The following ATRNL1 variants were observed in gnomAD, a reference collection of about 807,000 sequenced individuals.
ATRNL1 encodes the protein attractin-like protein 1.
A neutral mutation model predicts 182.7 loss-of-function variants in ATRNL1; 95 were observed. The observed-to-expected ratio is 0.52, with a 90% CI of 0.44 to 0.62. The LOEUF (loss-of-function observed/expected upper bound fraction) is 0.62. Ranked by LOEUF, ATRNL1 falls within the 20% of genes least tolerant of loss-of-function variation. ATRNL1 has a pLI of 0.00. For synonymous variants in ATRNL1, 576 were observed against 568.3 expected (o/e 1.01, Z -0.19); for missense variants, 1,471 against 1,679.5 (o/e 0.88, Z 2.17).
chr10:115,784,013 A>G (rs1261021457), intron 27 of ATRNL1, among the ~76,000 whole-genome samples: 1 of 152,168 alleles, frequency 6.6e-6, no homozygotes, highest in Non-Finnish European at 1.5e-5. Context: ...CTCCATCCCA[A>G]AAACAACAAC....
chr10:115,933,657 AT>A (rs1953472527), intron 28 of ATRNL1, among the ~76,000 whole-genome samples: 2 of 152,218 alleles, frequency 1.3e-5, no homozygotes, highest in Non-Finnish European at 2.9e-5. Context: ...GACATGCTGA[AT>A]TTCAAGTCAA....
intron 21 of ATRNL1, among the ~76,000 whole-genome samples, chr10:115,434,202 A>G (rs1846297360): frequency 6.6e-6 from 1 of 152,162 alleles, no homozygotes; most frequent in South Asian, 2.1e-4. Flanking sequence ...TTTCTTATAG[A>G]TATATAGCTC....
intron 26 of ATRNL1, among the ~76,000 whole-genome samples, chr10:115,693,718 A>C (rs1272881505): frequency 6.6e-6 from 1 of 152,114 alleles, no homozygotes; most frequent in Non-Finnish European, 1.5e-5. Flanking sequence ...GAATGCTGTA[A>C]ACAACTGTAA....
At chr10:115,751,625 G>A (rs782538908) in intron 27 of ATRNL1, among the ~76,000 whole-genome samples, 4 of 151,944 alleles carry the variant, frequency 2.6e-5, no homozygotes, top group Non-Finnish European at 4.4e-5. Context: ...AAAAAATACT[G>A]GGAACAACCC....
chr10:115,163,502 T>G (rs1846898043), intron 6 of ATRNL1, among the ~76,000 whole-genome samples: 1 of 152,012 alleles, frequency 6.6e-6, no homozygotes, highest in African/African-American at 2.4e-5. Context: ...TAGCTGGGAT[T>G]ATAGGCATGC....
intron 26 of ATRNL1, among the ~76,000 whole-genome samples, chr10:115,624,427 T>C (rs1273159451): frequency 1.3e-5 from 2 of 152,210 alleles, no homozygotes; most frequent in Non-Finnish European, 2.9e-5. Flanking sequence ...GTTGTAAATA[T>C]AAGACTTGAT....
chr10:115,505,414 A>G (rs1850060784), intron 24 of ATRNL1, among the ~76,000 whole-genome samples: 1 of 152,178 alleles, frequency 6.6e-6, no homozygotes, highest in African/African-American at 2.4e-5. Flanking sequence ...AGTTAAAAAA[A>G]TCAGGTTACA....
chr10:115,224,972 C>T (rs1262182483), intron 9 of ATRNL1, among the ~76,000 whole-genome samples: 2 of 152,006 alleles, frequency 1.3e-5, no homozygotes, highest in African/African-American at 4.8e-5. Flanking sequence ...AAATAAATAA[C>T]ATCAATCTTT....
chr10:115,595,985 A>G (rs782518995), intron 26 of ATRNL1, among the ~76,000 whole-genome samples: 4 of 152,124 alleles, frequency 2.6e-5, no homozygotes, highest in Non-Finnish European at 4.4e-5. Flanking sequence ...CCAAGTTTTC[A>G]TCTCTGTGGT....
At chr10:115,490,547 C>G (rs1849248406) in intron 24 of ATRNL1, among the ~76,000 whole-genome samples, 1 of 152,100 alleles carries the variant, frequency 6.6e-6, no homozygotes, top group Admixed American at 6.6e-5. Context: ...TCACGAAGTT[C>G]TTGTGCTGTG....
chr10:115,455,969 A>C (rs1554968629), intron 21 of ATRNL1, among the ~76,000 whole-genome samples: 1 of 152,220 alleles, frequency 6.6e-6, no homozygotes, highest in Non-Finnish European at 1.5e-5. Context: ...GATGATCATT[A>C]AAAAGTCAGG....
chr10:115,223,929 A>ATTTTTTTTTTTTTTTTTTTT (rs1223695295), intron 9 of ATRNL1, among the ~76,000 whole-genome samples: 1 of 44,714 alleles, frequency 2.2e-5, no homozygotes. Flanking sequence ...ATATATATAT[A>ATTTTTTTTTTTTTTTTTTTT]TTTTTTTTTT....
chr10:115,513,041 G>C (rs376875039), intron 24 of ATRNL1, among the ~76,000 whole-genome samples: 1 of 151,812 alleles, frequency 6.6e-6, no homozygotes, highest in African/African-American at 2.4e-5. Flanking sequence ...ATTTTTTTGC[G>C]ATTTGTTTTT....
chr10:115,721,419 A>T (rs1555057725), intron 26 of ATRNL1, among the ~76,000 whole-genome samples: 1 of 152,118 alleles, frequency 6.6e-6, no homozygotes, highest in African/African-American at 2.4e-5. Flanking sequence ...CCCTTTTCAC[A>T]CTACTGATAA....
intron 28 of ATRNL1, among the ~76,000 whole-genome samples, chr10:115,930,670 T>A (rs893163780): frequency 6.6e-6 from 1 of 152,214 alleles, no homozygotes; most frequent in Non-Finnish European, 1.5e-5. Context: ...GATAACATTT[T>A]TTAAAATCTC....
At chr10:115,555,448 A>G (rs782326424) in intron 26 of ATRNL1, among the ~76,000 whole-genome samples, 4 of 151,882 alleles carry the variant, frequency 2.6e-5, no homozygotes, top group Non-Finnish European at 4.4e-5. Context: ...ATTTCATATC[A>G]TTCAAAAAGA....
chr10:115,116,432 G>A (rs1323906628), intron 1 of ATRNL1, among the ~76,000 whole-genome samples: 2 of 151,962 alleles, frequency 1.3e-5, no homozygotes, highest in Non-Finnish European at 2.9e-5. Context: ...AAGGGTATTA[G>A]GAGTAAGAAG....
At chr10:115,252,479 A>T (rs1193378954) in intron 10 of ATRNL1, among the ~76,000 whole-genome samples, 1 of 152,246 alleles carries the variant, frequency 6.6e-6, no homozygotes, top group Non-Finnish European at 1.5e-5. Flanking sequence ...GCCACAGGTC[A>T]TGCTGGAGAG....
intron 27 of ATRNL1, among the ~76,000 whole-genome samples, chr10:115,734,967 A>G (rs1189966861): frequency 6.6e-6 from 1 of 152,146 alleles, no homozygotes; most frequent in Admixed American, 6.5e-5. Context: ...CTTGCTTCCA[A>G]TTTAAGAACA....
Sources: allele counts gnomAD v4.1 joint callset (sites outside exome capture counted in the v4.1 genomes callset), GRCh38; gene constraint gnomAD v4.1.1; transcripts MANE v1.5; gene names NCBI Gene and HGNC (gene_info 2026-07-23, HGNC 2026-07-21).